The following FAT3 variants were observed in gnomAD, a reference collection of about 807,000 sequenced individuals.
FAT3 encodes protocadherin Fat 3.
FAT3 carries 95 observed loss-of-function variants against 310.2 expected under a neutral mutation model. The ratio of observed to expected loss-of-function variants is 0.31; its 90% confidence interval spans 0.26 to 0.36. The LOEUF (loss-of-function observed/expected upper bound fraction) is 0.36. Among genes scored for constraint, FAT3 ranks in the 10% least tolerant of loss-of-function variants. FAT3 has a pLI of 1.00. For synonymous variants in FAT3, 2,314 were observed against 2,192.9 expected, an observed-to-expected ratio of 1.06 and a Z score of -1.54; for missense variants, 5,408 against 5,715.6, an observed-to-expected ratio of 0.95 and a Z score of 1.74.
intron 2 of FAT3, among the ~76,000 whole-genome samples, chr11:92,490,335 A>T (rs987353883): frequency 2.0e-5 from 3 of 152,092 alleles, no homozygotes; most frequent in Non-Finnish European, 4.4e-5. Context: ...TTAAAATATT[A>T]CTACAGTGTT....
chr11:92,367,733 A>G (rs1485741547), intron 2 of FAT3, among the ~76,000 whole-genome samples: 1 of 152,258 alleles, frequency 6.6e-6, no homozygotes, highest in African/African-American at 2.4e-5. Flanking sequence ...TCTACTGATC[A>G]TTCATCATGT....
chr11:92,441,774 C>T (rs1006496491), intron 2 of FAT3, among the ~76,000 whole-genome samples: 21 of 152,056 alleles, frequency 1.4e-4, no homozygotes, highest in Admixed American at 9.8e-4. Flanking sequence ...GAATTTCAAA[C>T]GTAAATAGTA....
rs555281902 is a variant in FAT3, at chr11:92,734,775, C to A, written c.3670-27081C>A. Among the ~76,000 whole-genome samples the A allele has an allele frequency of 7.2e-5, 11 of 152,114 alleles. No homozygotes were observed. In the East Asian group the frequency reaches 1.7e-3, roughly 24 times the overall value. On this transcript the variant is annotated intron_variant, in intron 4 of 27. Coordinates refer to ENST00000525166, the MANE Select transcript of FAT3 (RefSeq NM_001367949.2). ...AGACAGACAGGAAGAGTAGGCACAG[C>A]GTGTATGTTTGTTGGGAGAGCATAC...
intron 13 of FAT3, among the ~76,000 whole-genome samples, chr11:92,821,010 C>T (rs2136234402): frequency 6.6e-6 from 1 of 152,294 alleles, no homozygotes; most frequent in East Asian, 1.9e-4. Context: ...GTGTTGGGAG[C>T]ACAGCTATTT....
rs1565251161 is a variant in FAT3, at chr11:92,354,193, A to G, written c.2081A>G (p.Glu694Gly). 6.2e-7 allele frequency: 1 copy of G among 1,613,902 alleles called. No homozygotes were observed. Among genetic ancestry groups the G allele is most frequent in the Admixed American group, 1.7e-5 (1 of 59,974 alleles). The change falls in exon 2 of 28, where the codon GAG becomes GGG. Residue 694 changes from glutamate to glycine, a missense_variant. Glu to Gly is a moderately conservative substitution (Grantham distance 98, BLOSUM62 -2). This residue lies in a region of FAT3 where 4,588 missense variants were observed against 4,809.8 expected (regional missense o/e 0.95). Transcript: ENST00000525166. The part of the protein sequence containing the change: ...RETRVAQKLA[E>G]KLLIKAKANG... ...ACTCGTGTGGCTCAAAAGCTGGCAG[A>G]GAAACTACTCATTAAGGCAAAAGCA...
intron 21 of FAT3, 130 bp downstream of exon 21, chr11:92,859,452 G>A (rs866102290): frequency 5.5e-6 from 5 of 916,448 alleles, no homozygotes; most frequent in Middle Eastern, 6.0e-4. Flanking sequence ...CTGGGCAAAG[G>A]GGAGCAGCGG....
rs74955979 is a variant in FAT3 at position 92,880,031 on chromosome 11, T to C, written c.12128-700T>C. Among the ~76,000 whole-genome samples the C allele has an allele frequency of 6.9e-3, 1,044 of 152,022 alleles. 12 individuals carry two copies. The highest frequency in any genetic ancestry group is 0.024 in the African/African-American group (1,000 of 41,428). ...CTTCCATCTCAAGAGATAATGCATCTCAAGAGGTCGATAATGCCTCTTTCC... is the reference window on the plus strand; with the variant it reads ...CTTCCATCTCAAGAGATAATGCATCCCAAGAGGTCGATAATGCCTCTTTCC... On this transcript the variant is annotated intron_variant, in intron 22 of 27. Transcript: ENST00000525166.
At chr11:92,583,394 A>C (rs1303697367) in intron 3 of FAT3, among the ~76,000 whole-genome samples, 1 of 152,072 alleles carries the variant, frequency 6.6e-6, no homozygotes. Context: ...TGTGGAAACC[A>C]GATCTAATGG....
intron 22 of FAT3, among the ~76,000 whole-genome samples, chr11:92,871,537 C>T (rs1457270454): frequency 2.6e-5 from 4 of 152,120 alleles, no homozygotes; most frequent in Non-Finnish European, 5.9e-5. Context: ...ATGTAGTGTT[C>T]TCAAACTCTA....
chr11:92,496,033 A>G (rs752897806), intron 2 of FAT3, among the ~76,000 whole-genome samples: 4 of 152,058 alleles, frequency 2.6e-5, no homozygotes, highest in Non-Finnish European at 4.4e-5. Flanking sequence ...GAGCACAACC[A>G]ATTTTCAGTG....
At chr11:92,541,393 C>T (rs1217663489) in intron 3 of FAT3, among the ~76,000 whole-genome samples, 1 of 152,100 alleles carries the variant, frequency 6.6e-6, no homozygotes, top group Non-Finnish European at 1.5e-5. Context: ...TGAATGATGG[C>T]AGAAATTCTC....
intron 1 of FAT3, among the ~76,000 whole-genome samples, chr11:92,231,945 A>AT (rs1182100252): frequency 8.5e-5 from 13 of 152,048 alleles, no homozygotes; most frequent in Non-Finnish European, 8.8e-5. Flanking sequence ...CATTTTGTTG[A>AT]TTTTTTAAGT....
chr11:92,881,020 G>A, intron 23 of FAT3, 136 bp downstream of exon 23: 1 of 946,232 alleles, frequency 1.1e-6, no homozygotes, highest in Non-Finnish European at 1.6e-6. Flanking sequence ...ATACGTATAA[G>A]GAGTGCTTAC....
chr11:92,883,146 C>G lies in FAT3; in HGVS notation c.12690C>G (p.Val4230=), dbSNP rs1423425083. 1.9e-6 allele frequency: 3 copies of G among 1,613,582 alleles called. No homozygotes were observed. The highest frequency in any genetic ancestry group is 2.5e-6 in the Non-Finnish European group (3 of 1,179,838). The change falls in exon 24 of 28, where the codon GTC becomes GTG. Residue 4230 remains valine, a synonymous_variant. Transcript: ENST00000525166. The surrounding 1 kb of genome is among the most constrained non-coding windows in gnomAD (Gnocchi z 4.2). ...NVYQEVGPPQ[V]PVRPMAYTPC... is the part of the protein sequence containing the mutation. ...ACCAGGAGGTGGGGCCCCCGCAGGT[C>G]CCCGTGCGCCCCATGGCCTACACAC...
chr11:92,601,934 G>A (rs138187858), intron 3 of FAT3, among the ~76,000 whole-genome samples: 40 of 151,960 alleles, frequency 2.6e-4, no homozygotes, highest in African/African-American at 9.2e-4. Context: ...GTGTATTTGG[G>A]GCTTTGGAAG....
chr11:92,349,195 AT>A (rs1948495635), intron 1 of FAT3, among the ~76,000 whole-genome samples: 1 of 152,118 alleles, frequency 6.6e-6, no homozygotes, highest in African/African-American at 2.4e-5. Flanking sequence ...CAGAAACTTT[AT>A]TTGTATTTCT....
At chr11:92,237,525 G>A (rs1864482564) in intron 1 of FAT3, among the ~76,000 whole-genome samples, 1 of 152,130 alleles carries the variant, frequency 6.6e-6, no homozygotes, top group Admixed American at 6.6e-5. Context: ...CAGTATCCTA[G>A]TGAACACTGG....
In FAT3 at chr11:92,523,001, A is replaced by C. The variant is rs1158803018; in HGVS notation, c.3293-1633A>C. Among the ~76,000 whole-genome samples, 4 of 152,140 alleles carry C rather than the reference A, an allele frequency of 2.6e-5. No homozygotes were observed. In the East Asian group the frequency reaches 7.7e-4, roughly 29 times the overall value. ...GAGCACCTTCGGCACACACTGGACA[A>C]CATCTCTTCCCAGTTTGCAAACCGA... On this transcript the variant is annotated intron_variant, in intron 2 of 27. Coordinates refer to ENST00000525166, the MANE Select transcript of FAT3 (RefSeq NM_001367949.2).
chr11:92,818,154 T>A (rs1947870577), intron 13 of FAT3, among the ~76,000 whole-genome samples: 1 of 152,208 alleles, frequency 6.6e-6, no homozygotes, highest in African/African-American at 2.4e-5. Context: ...GTGTTTGATG[T>A]CAAATCTTCT....
Sources: gnomAD v4.1 joint callset for allele counts (sites outside exome capture counted in the v4.1 genomes callset) on GRCh38, gnomAD v4.1.1 for gene constraint, gnomAD v4.1.1 regional missense constraint, Gnocchi (gnomAD v3.1) non-coding constraint, MANE v1.5 for transcripts, NCBI Gene and HGNC (gene_info 2026-07-23, HGNC 2026-07-21) for gene names.